ZNF829: variants seen among roughly 807,000 people sequenced by gnomAD.
ZNF829 encodes the protein zinc finger protein 829.
ZNF829 carries 25 observed loss-of-function variants against 35.2 expected under a neutral mutation model. That is an observed-to-expected ratio of 0.71 (90% CI 0.52 to 0.99). The LOEUF is 0.99. Among genes scored for constraint, ZNF829 ranks in the 50% least tolerant of loss-of-function variants. The probability of loss-of-function intolerance (pLI) is 0.00; values close to 1 mark genes in which losing one functional copy is unlikely to be tolerated. For missense variants in ZNF829, 417 were observed against 515.3 expected (o/e 0.81, Z 1.85); for synonymous variants, 136 against 163.2 (o/e 0.83, Z 1.27).
intron 5 of ZNF829, among the ~76,000 whole-genome samples, chr19:36,903,516 A>G (rs949795509): frequency 6.6e-6 from 1 of 152,220 alleles, no homozygotes; most frequent in Non-Finnish European, 1.5e-5. Flanking sequence ...CCTACCTCCC[A>G]CATCTTTCTT....
chr19:36,903,760 AGGTG>A (rs2073192257), intron 5 of ZNF829, among the ~76,000 whole-genome samples: 1 of 114,554 alleles, frequency 8.7e-6, no homozygotes, highest in South Asian at 3.1e-4. Flanking sequence ...GCATGGTGGC[AGGTG>A]CCTCTAATCC....
chr19:36,909,455 G>A (rs910992388), intron 3 of ZNF829, among the ~76,000 whole-genome samples: 2 of 152,138 alleles, frequency 1.3e-5, no homozygotes, highest in Admixed American at 6.6e-5. Flanking sequence ...TTGTCTGCAA[G>A]GTCCTAATGT....
chr19:36,896,306 C>CAAAA (rs536542334), intron 5 of ZNF829, among the ~76,000 whole-genome samples: 3 of 105,862 alleles, frequency 2.8e-5, no homozygotes, highest in African/African-American at 3.4e-5. Context: ...GCAAGACTGT[C>CAAAA]AAAAAAAAAA....
intron 3 of ZNF829, among the ~76,000 whole-genome samples, chr19:36,912,525 T>G (rs2073272894): frequency 6.6e-6 from 1 of 152,214 alleles, no homozygotes; most frequent in Non-Finnish European, 1.5e-5. Context: ...TTTGTAATTT[T>G]TAACCTAATT....
intron 5 of ZNF829, chr19:36,907,271 C>T (rs1332165392): frequency 4.6e-5 from 7 of 151,826 alleles, no homozygotes; most frequent in Middle Eastern, 3.4e-3. Context: ...TGTGTGATTG[C>T]GTCTATACAA....
At chr19:36,909,806 C>CAA (rs35064154) in intron 3 of ZNF829, among the ~76,000 whole-genome samples, 4 of 133,986 alleles carry the variant, frequency 3.0e-5, no homozygotes, top group African/African-American at 1.1e-4. Context: ...GACTCTGTCT[C>CAA]AAAAAAAAAA....
chr19:36,915,957 C>A, intron 1 of ZNF829, 54 bp downstream of exon 1: 1 of 1,532,978 alleles, frequency 6.5e-7, no homozygotes, highest in Non-Finnish European at 8.7e-7. Flanking sequence ...CCAGTCATCC[C>A]GGATGGGAAC....
chr19:36,912,053 C>T (rs1215981087), intron 3 of ZNF829, among the ~76,000 whole-genome samples: 1 of 152,154 alleles, frequency 6.6e-6, no homozygotes, highest in Non-Finnish European at 1.5e-5. Context: ...TTTTCCTTAC[C>T]TCCTCTTCCC....
chr19:36,913,870 A>C (rs2073283864), intron 3 of ZNF829, among the ~76,000 whole-genome samples: 1 of 152,204 alleles, frequency 6.6e-6, no homozygotes, highest in East Asian at 1.9e-4. Flanking sequence ...ATCAAGGGAG[A>C]CGAGCTAATC....
chr19:36,895,662 A>G (rs1352631929), intron 5 of ZNF829, among the ~76,000 whole-genome samples: 1 of 152,042 alleles, frequency 6.6e-6, no homozygotes, highest in Non-Finnish European at 1.5e-5. Flanking sequence ...GAAGAGATGA[A>G]AAAAAAATAC....
chr19:36,889,826 T>G lies in ZNF829; in HGVS notation c.*1666A>C, dbSNP rs1417987031. On this transcript the variant is annotated 3_prime_UTR_variant, in exon 6 of 6. Transcript: ENST00000391711. ...CTGCCAGCTTTGGGTTGAGTTTGTTTTGTTTTTTCCTAGTTCCTTGAGATG... is the reference window on the plus strand; with the variant it reads ...CTGCCAGCTTTGGGTTGAGTTTGTTGTGTTTTTTCCTAGTTCCTTGAGATG... 6.6e-6 allele frequency: 1 copy of G among 152,190 alleles called. No individual in the cohort carries two copies. Among genetic ancestry groups the G allele is most frequent in the Non-Finnish European group, 1.5e-5 (1 of 68,036 alleles). The allele number at this position is 152,190 out of a possible 1,614,324, so 9.4% of individuals were successfully genotyped here. A position where few individuals can be genotyped will look rare whatever the true frequency, so the allele number is the denominator to read the frequency against.
At chr19:36,904,266 A>T (rs2073196423) in intron 5 of ZNF829, among the ~76,000 whole-genome samples, 1 of 152,248 alleles carries the variant, frequency 6.6e-6, no homozygotes, top group Admixed American at 6.5e-5. Flanking sequence ...ACAGAAAGAC[A>T]AAACATACTA....
rs1433095368 is a variant in ZNF829, at chr19:36,890,917, A to T, written c.*575T>A. On this transcript the variant is annotated 3_prime_UTR_variant, in exon 6 of 6. Coordinates refer to ENST00000391711, the MANE Select transcript of ZNF829 (RefSeq NM_001037232.4). ...TTATGTATAAAAGGAAATTACAAAT[A>T]TATTAGACAAAATCATTCTAACAGG... 1 of 152,222 alleles carries T rather than the reference A, an allele frequency of 6.6e-6. No homozygotes were observed. The highest frequency in any genetic ancestry group is 2.4e-5 in the African/African-American group (1 of 41,442). The allele number at this position is 152,222 out of a possible 1,614,324, so 9.4% of individuals were successfully genotyped here.
intron 5 of ZNF829, chr19:36,902,046 T>C: frequency 1.7e-6 from 1 of 600,270 alleles, no homozygotes; most frequent in South Asian, 1.9e-5. Flanking sequence ...CCAAATAAAC[T>C]CTATACTTTG....
intron 5 of ZNF829, chr19:36,907,111 A>AAAAAAG (rs71177413): frequency 2.4e-5 from 1 of 40,936 alleles, no homozygotes; most frequent in East Asian, 8.4e-4. Context: ...AAAAAAAAAA[A>AAAAAAG]TGTATATATA....
chr19:36,901,356 G>A (rs2073163975), intron 5 of ZNF829, among the ~76,000 whole-genome samples: 1 of 152,164 alleles, frequency 6.6e-6, no homozygotes, highest in South Asian at 2.1e-4. Flanking sequence ...TGGGGCTGGA[G>A]GGGGTGGGAA....
chr19:36,903,285 G>A (rs764308293), intron 5 of ZNF829, among the ~76,000 whole-genome samples: 51 of 152,154 alleles, frequency 3.4e-4, no homozygotes, highest in Non-Finnish European at 6.6e-4. Flanking sequence ...GTTAGAGGAT[G>A]GCTATACCTT....
chr19:36,901,844 G>T, intron 5 of ZNF829: 1 of 740,882 alleles, frequency 1.3e-6, no homozygotes, highest in Non-Finnish European at 2.5e-6. Flanking sequence ...GCGCATCCAT[G>T]GAGTGGGCTT....
chr19:36,901,792 C>A, intron 5 of ZNF829: 2 of 613,434 alleles, frequency 3.3e-6, no homozygotes, highest in East Asian at 3.1e-5. Flanking sequence ...GTTCTGCCAT[C>A]CACAAGGTGG....
Sources: gnomAD v4.1 joint callset for allele counts (sites outside exome capture counted in the v4.1 genomes callset) on GRCh38, gnomAD v4.1.1 for gene constraint, MANE v1.5 for transcripts, NCBI Gene and HGNC (gene_info 2026-07-23, HGNC 2026-07-21) for gene names.